The following GALNTL6 variants were observed in gnomAD, a reference collection of about 807,000 sequenced individuals.
GALNTL6 encodes polypeptide N-acetylgalactosaminyltransferase-like 6.
Under a neutral mutation model 73.7 loss-of-function variants are expected in GALNTL6, and 46 were observed. The ratio of observed to expected loss-of-function variants is 0.62; its 90% CI spans 0.49 to 0.80. The LOEUF (loss-of-function observed/expected upper bound fraction) is 0.80, where lower values mean the gene tolerates loss of function less well. Among genes scored for constraint, GALNTL6 ranks in the 30% least tolerant of loss-of-function variants. The probability of loss-of-function intolerance (pLI) is 0.00; values close to 1 mark genes in which losing one functional copy is unlikely to be tolerated. For missense variants in GALNTL6, 604 were observed against 755.0 expected (o/e 0.80, Z 2.34); for synonymous variants, 259 against 263.7 (o/e 0.98, Z 0.17).
chr4:172,686,884 A>T (rs568522621), intron 5 of GALNTL6, among the ~76,000 whole-genome samples: 1 of 152,350 alleles, frequency 6.6e-6, no homozygotes, highest in African/African-American at 2.4e-5. Flanking sequence ...TCAGTCTCAC[A>T]CACATAATAC....
chr4:172,408,800 A>G (rs1744328924), intron 5 of GALNTL6, among the ~76,000 whole-genome samples: 1 of 152,046 alleles, frequency 6.6e-6, no homozygotes, highest in African/African-American at 2.4e-5. Flanking sequence ...CACTGGCTCT[A>G]CTTGGCTGTA....
At chr4:172,240,378 C>T (rs1737383878) in intron 3 of GALNTL6, among the ~76,000 whole-genome samples, 1 of 151,384 alleles carries the variant, frequency 6.6e-6, no homozygotes, top group Admixed American at 6.6e-5. Context: ...CACTCACCAT[C>T]ATGCCCGGCT....
chr4:172,802,455 A>T (rs1309321989), intron 5 of GALNTL6, among the ~76,000 whole-genome samples: 1 of 152,148 alleles, frequency 6.6e-6, no homozygotes, highest in African/African-American at 2.4e-5. Context: ...AACAAGTTGT[A>T]TTGAGAGTCT....
At chr4:172,574,098 A>T (rs143731784) in intron 5 of GALNTL6, among the ~76,000 whole-genome samples, 3 of 152,268 alleles carry the variant, frequency 2.0e-5, no homozygotes, top group Non-Finnish European at 2.9e-5. Context: ...CAAGTATTGT[A>T]ATTGTTTCCT....
Position 172,565,710 on chromosome 4 carries a change from T to A in GALNTL6, c.553+217021T>A, listed in dbSNP as rs369561230. ...ATTCTTCTTTTAATGTTTGGTAGAA[T>A]TCACCAGTGAGCCATCTGATCCTGA... On this transcript the variant is annotated intron_variant, in intron 5 of 12. Transcript: ENST00000506823. Among the ~76,000 whole-genome samples, 27 of 152,114 alleles carry A rather than the reference T, an allele frequency of 1.8e-4. No homozygotes were observed. The East Asian group carries it at 5.1e-3, about 28-fold the overall frequency.
chr4:172,366,323 C>CT (rs1298754977), intron 5 of GALNTL6, among the ~76,000 whole-genome samples: 1 of 152,106 alleles, frequency 6.6e-6, no homozygotes, highest in Non-Finnish European at 1.5e-5. Context: ...TAAATACAAA[C>CT]TACAAAAGCA....
At chr4:172,729,379 T>C (rs2111384046) in intron 5 of GALNTL6, among the ~76,000 whole-genome samples, 1 of 152,304 alleles carries the variant, frequency 6.6e-6, no homozygotes, top group South Asian at 2.1e-4. Flanking sequence ...GATTCAAGTT[T>C]TTAATCCATT....
At chr4:172,433,881 C>A (rs1030030637) in intron 5 of GALNTL6, among the ~76,000 whole-genome samples, 4 of 151,986 alleles carry the variant, frequency 2.6e-5, no homozygotes, top group African/African-American at 9.7e-5. Context: ...AAAAATTGTC[C>A]CAGTACACAG....
At chr4:172,921,667 C>T (rs1477543039) in intron 8 of GALNTL6, among the ~76,000 whole-genome samples, 1 of 151,740 alleles carries the variant, frequency 6.6e-6, no homozygotes, top group African/African-American at 2.4e-5. Flanking sequence ...CGGCGGTGGG[C>T]CTCTATAATC....
chr4:171,999,494 A>C (rs2110755479), intron 2 of GALNTL6, among the ~76,000 whole-genome samples: 1 of 152,214 alleles, frequency 6.6e-6, no homozygotes, highest in Admixed American at 6.6e-5. Flanking sequence ...TTAAATCACA[A>C]GAAAATAAGT....
intron 10 of GALNTL6, among the ~76,000 whole-genome samples, chr4:172,991,239 A>C (rs1751522882): frequency 6.6e-6 from 1 of 152,178 alleles, no homozygotes; most frequent in South Asian, 2.1e-4. Context: ...AGACAACTGA[A>C]TCTATCTCTT....
At chr4:172,724,360 G>A (rs543727625) in intron 5 of GALNTL6, among the ~76,000 whole-genome samples, 1 of 152,186 alleles carries the variant, frequency 6.6e-6, no homozygotes, top group African/African-American at 2.4e-5. Context: ...AACAAGATAC[G>A]CTTTTTCTCA....
intron 2 of GALNTL6, among the ~76,000 whole-genome samples, chr4:171,964,210 T>C (rs332961): frequency 0.98 from 148,729 of 151,792 alleles, 72,942 homozygotes; most frequent in Middle Eastern, 1. Context: ...AGTCCTATGT[T>C]TTCTGCTGGT....
At chr4:172,923,052 C>A (rs1747873868) in intron 8 of GALNTL6, among the ~76,000 whole-genome samples, 2 of 152,162 alleles carry the variant, frequency 1.3e-5, no homozygotes, top group Non-Finnish European at 2.9e-5. Context: ...AAGGACCGCT[C>A]CTTAAGAGAC....
chr4:172,327,167 C>T (rs1452541966), intron 4 of GALNTL6, among the ~76,000 whole-genome samples: 1 of 151,994 alleles, frequency 6.6e-6, no homozygotes, highest in Non-Finnish European at 1.5e-5. Flanking sequence ...ACCTAAAAGT[C>T]ATTCAGGAGC....
rs180981931 is a variant in GALNTL6 at position 172,781,070 on chromosome 4, G to A, written c.554-28291G>A. Reference sequence around the variant, plus strand: ...AATAAGTTTTATTTCCATCAGTGATGTGATTGGTAGGCAGTTCAGCAGATG... The same window carrying A: ...AATAAGTTTTATTTCCATCAGTGATATGATTGGTAGGCAGTTCAGCAGATG... On this transcript the variant is annotated intron_variant, in intron 5 of 12. Transcript: ENST00000506823. 2.0e-5 allele frequency among the ~76,000 whole-genome samples: 3 copies of A among 152,334 alleles called. No homozygotes were observed. The East Asian group carries it at 5.8e-4, about 29-fold the overall frequency.
intron 10 of GALNTL6, among the ~76,000 whole-genome samples, chr4:173,002,379 A>G (rs1180665078): frequency 6.6e-6 from 1 of 151,438 alleles, no homozygotes; most frequent in African/African-American, 2.4e-5. Flanking sequence ...ACAGAGTGAG[A>G]CTCCATCTCA....
At chr4:172,029,093 A>G (rs1338073924) in intron 2 of GALNTL6, among the ~76,000 whole-genome samples, 4 of 152,004 alleles carry the variant, frequency 2.6e-5, no homozygotes, top group African/African-American at 7.2e-5. Context: ...TGTTCTGTCA[A>G]TATATATGCA....
At chr4:171,997,703 C>G (rs1385529432) in intron 2 of GALNTL6, among the ~76,000 whole-genome samples, 2 of 151,880 alleles carry the variant, frequency 1.3e-5, no homozygotes, top group Non-Finnish European at 1.5e-5. Context: ...ATAAGGAATA[C>G]AAGTAATAGC....
Sources: allele counts gnomAD v4.1 joint callset (sites outside exome capture counted in the v4.1 genomes callset), GRCh38; gene constraint gnomAD v4.1.1; transcripts MANE v1.5; gene names NCBI Gene and HGNC (gene_info 2026-07-23, HGNC 2026-07-21).